The following TPRG1 variants were observed in gnomAD, a reference collection of about 807,000 sequenced individuals.
TPRG1 encodes tumor protein p63 regulated 1.
A neutral mutation model predicts 29.3 loss-of-function variants in TPRG1; 29 were observed. The ratio of observed to expected loss-of-function variants is 0.99; its 90% CI spans 0.74 to 1.35. The LOEUF is 1.35. Among genes scored for constraint, TPRG1 ranks in the 40% most tolerant of loss-of-function variants. The probability of loss-of-function intolerance (pLI) is 0.00; values close to 1 mark genes in which losing one functional copy is unlikely to be tolerated. For synonymous variants in TPRG1, 130 were observed against 116.8 expected (o/e 1.11, Z -0.73); for missense variants, 327 against 335.0 (o/e 0.98, Z 0.19).
Position 189,215,377 on chromosome 3 carries a change from T to C in TPRG1, c.296T>C (p.Leu99Ser), listed in dbSNP as rs528760557. ...GAGACCATTCAAGGCTTCTGGCTCT[T>C]GACAAAGTGAGTAGTCACAGCTAAG... ...SGETIQGFWL[L>S]TKIDHWNNEK... Residue 99 changes from leucine (L) to serine (S), a missense_variant, in exon 3 of 6, where the codon TTG (leucine) becomes TCG (serine). By Grantham distance (145) the Leu-to-Ser change is moderately radical (BLOSUM62 -2). Coordinates refer to ENST00000345063, the MANE Select transcript of TPRG1 (RefSeq NM_198485.4). The C allele has an allele frequency of 6.2e-7, 1 of 1,611,200 alleles. No homozygotes were observed. Among genetic ancestry groups the C allele is most frequent in the Admixed American group, 1.7e-5 (1 of 59,508 alleles).
chr3:189,216,821 C>G (rs952385049), intron 3 of TPRG1, among the ~76,000 whole-genome samples: 7 of 152,176 alleles, frequency 4.6e-5, no homozygotes, highest in Admixed American at 3.3e-4. Flanking sequence ...CCCCCACTTC[C>G]CATCCATTGT....
intron 4 of TPRG1, among the ~76,000 whole-genome samples, chr3:189,076,837 G>A (rs1717206426): frequency 6.6e-6 from 1 of 151,936 alleles, no homozygotes; most frequent in Admixed American, 6.6e-5. Flanking sequence ...GCTAAATATT[G>A]TCATTTATTG....
At chr3:189,267,257 C>A (rs1714266545) in intron 4 of TPRG1, among the ~76,000 whole-genome samples, 2 of 152,098 alleles carry the variant, frequency 1.3e-5, no homozygotes, top group African/African-American at 2.4e-5. Flanking sequence ...TAGGCTATAC[C>A]ATCTAGCCTT....
intron 4 of TPRG1, among the ~76,000 whole-genome samples, chr3:189,257,570 A>G (rs1024722121): frequency 6.6e-6 from 1 of 152,074 alleles, no homozygotes; most frequent in Non-Finnish European, 1.5e-5. Context: ...AGGTTGGGGA[A>G]GTTCTTTAGG....
intron 4 of TPRG1, among the ~76,000 whole-genome samples, chr3:189,074,498 C>T (rs1436792576): frequency 6.6e-6 from 1 of 152,038 alleles, no homozygotes; most frequent in African/African-American, 2.4e-5. Flanking sequence ...GCCACCGCGC[C>T]CGGCCCAGAA....
intron 5 of TPRG1, among the ~76,000 whole-genome samples, chr3:189,157,472 C>T (rs1726846469): frequency 4.6e-5 from 7 of 152,124 alleles, no homozygotes; most frequent in Admixed American, 4.6e-4. Flanking sequence ...CCAGAATGAA[C>T]ATCAAGTGCC....
chr3:189,113,767 G>T (rs1250436130), intron 1 of TPRG1, among the ~76,000 whole-genome samples: 1 of 151,546 alleles, frequency 6.6e-6, no homozygotes, highest in Admixed American at 6.6e-5. Flanking sequence ...GGGGACTGTT[G>T]TGGGGTGGGG....
intron 4 of TPRG1, among the ~76,000 whole-genome samples, chr3:189,082,409 G>A (rs1364676217): frequency 1.3e-5 from 2 of 152,116 alleles, no homozygotes; most frequent in African/African-American, 2.4e-5. Context: ...TCTTTACTAT[G>A]CTTTATCTAG....
intron 4 of TPRG1, 136 bp downstream of exon 4, chr3:189,239,045 A>G (rs1476927658): frequency 2.9e-6 from 2 of 690,628 alleles, no homozygotes; most frequent in Non-Finnish European, 4.6e-6. Flanking sequence ...AGTTGAAATC[A>G]TTAAACTAGA....
intron 1 of TPRG1, among the ~76,000 whole-genome samples, chr3:189,125,704 A>G (rs1479727717): frequency 6.6e-6 from 1 of 152,072 alleles, no homozygotes; most frequent in African/African-American, 2.4e-5. Flanking sequence ...CAGGGGCCCC[A>G]GATCTCAGAA....
intron 4 of TPRG1, among the ~76,000 whole-genome samples, chr3:189,244,103 A>G (rs1024599966): frequency 9.9e-5 from 15 of 152,138 alleles, no homozygotes; most frequent in Non-Finnish European, 1.0e-4. Flanking sequence ...TCTCATTGCT[A>G]TAAAGAAATA....
chr3:189,000,674 A>G (rs2152121275), intron 1 of TPRG1: 1 of 152,036 alleles, frequency 6.6e-6, no homozygotes, highest in Non-Finnish European at 1.5e-5. Flanking sequence ...CTATACCAGT[A>G]TCCTATTAGT....
At chr3:189,308,517 A>G (rs1004908763) in intron 4 of TPRG1, among the ~76,000 whole-genome samples, 1 of 152,184 alleles carries the variant, frequency 6.6e-6, no homozygotes, top group Non-Finnish European at 1.5e-5. Flanking sequence ...CTTCAGATTA[A>G]TCTTCCTAGT....
chr3:189,121,492 T>G (rs778754144), intron 1 of TPRG1: 2 of 152,246 alleles, frequency 1.3e-5, no homozygotes, highest in Non-Finnish European at 2.9e-5. Context: ...CAGAAGCAAC[T>G]TGAATCTTTG....
chr3:189,288,693 T>C (rs745577304), intron 4 of TPRG1, among the ~76,000 whole-genome samples: 2 of 152,260 alleles, frequency 1.3e-5, no homozygotes, highest in Non-Finnish European at 2.9e-5. Context: ...GCAAACAGTA[T>C]CATTCTGAGC....
intron 4 of TPRG1, among the ~76,000 whole-genome samples, chr3:189,026,623 C>T (rs988452514): frequency 2.0e-5 from 3 of 152,140 alleles, no homozygotes. Flanking sequence ...TTAGCTGGAA[C>T]ATAAGATTTG....
intron 3 of TPRG1, chr3:189,219,668 T>G: frequency 7.8e-7 from 1 of 1,283,818 alleles, no homozygotes; most frequent in Non-Finnish European, 1.0e-6. Context: ...CAGCAGAATG[T>G]ACTTGAGGTG....
chr3:189,264,970 A>T (rs573172786), intron 4 of TPRG1, among the ~76,000 whole-genome samples: 56 of 152,370 alleles, frequency 3.7e-4, no homozygotes, highest in African/African-American at 9.6e-4. Flanking sequence ...CAGCATGAAG[A>T]TAAGCACAGG....
intron 3 of TPRG1, among the ~76,000 whole-genome samples, chr3:189,228,502 A>G (rs957506166): frequency 3.3e-5 from 5 of 152,224 alleles, no homozygotes; most frequent in African/African-American, 1.2e-4. Context: ...CAACCATATT[A>G]ACAGGTTAAA....
Sources: allele counts gnomAD v4.1 joint callset (sites outside exome capture counted in the v4.1 genomes callset), GRCh38; gene constraint gnomAD v4.1.1; transcripts MANE v1.5; gene names NCBI Gene and HGNC (gene_info 2026-07-23, HGNC 2026-07-21).